The following FBXO11 variants were observed in gnomAD, a reference collection of about 807,000 sequenced individuals.
The protein encoded by FBXO11 is F-box protein 11.
Under a neutral mutation model 117.0 loss-of-function variants are expected in FBXO11, and 13 were observed. The observed-to-expected ratio is 0.11, with a 90% confidence interval of 0.07 to 0.18. The LOEUF is 0.18. Among genes scored for constraint, FBXO11 ranks in the 10% least tolerant of loss-of-function variants. The pLI is 1.00. For synonymous variants in FBXO11, 490 were observed against 380.5 expected (o/e 1.29, Z -3.35); for missense variants, 767 against 1,164.4 (o/e 0.66, Z 4.97).
intron 11 of FBXO11, among the ~76,000 whole-genome samples, chr2:47,829,522 G>C (rs990926373): frequency 6.6e-6 from 1 of 152,116 alleles, no homozygotes; most frequent in Non-Finnish European, 1.5e-5. Context: ...TTATAGGCAT[G>C]AGCCACCACA....
intron 11 of FBXO11, among the ~76,000 whole-genome samples, chr2:47,828,689 C>T (rs909190614): frequency 6.6e-6 from 1 of 151,774 alleles, no homozygotes; most frequent in Non-Finnish European, 1.5e-5. Context: ...GAGAAAAATG[C>T]TATCTTCATA....
chr2:47,833,127 T>A (rs1672308092), intron 7 of FBXO11, 57 bp from the exon 8 acceptor site: 1 of 1,167,418 alleles, frequency 8.6e-7, no homozygotes, highest in Admixed American at 1.8e-5. Context: ...CAGATGGGTA[T>A]CTTTATGGAG....
chr2:47,903,500 T>C (rs530536417), intron 1 of FBXO11, among the ~76,000 whole-genome samples: 9 of 152,236 alleles, frequency 5.9e-5, no homozygotes, highest in South Asian at 4.1e-4. Flanking sequence ...TTACCTCACA[T>C]AGAAATGAAA....
chr2:47,876,475 C>T (rs977308819), intron 1 of FBXO11, among the ~76,000 whole-genome samples: 1 of 152,100 alleles, frequency 6.6e-6, no homozygotes, highest in Non-Finnish European at 1.5e-5. Flanking sequence ...TGTGTATTTC[C>T]TCACTTTGGG....
intron 1 of FBXO11, among the ~76,000 whole-genome samples, chr2:47,840,634 T>C (rs1225213381): frequency 6.6e-6 from 1 of 151,608 alleles, no homozygotes; most frequent in Non-Finnish European, 1.5e-5. Flanking sequence ...CAATTTTTTT[T>C]GGTGAGATGG....
At chr2:47,854,744 C>T (rs1030424095) in intron 1 of FBXO11, among the ~76,000 whole-genome samples, 3 of 152,130 alleles carry the variant, frequency 2.0e-5, no homozygotes, top group Non-Finnish European at 4.4e-5. Flanking sequence ...AGTGCTAACA[C>T]GTTCCCAAGG....
intron 1 of FBXO11, among the ~76,000 whole-genome samples, chr2:47,859,904 A>G (rs1674619510): frequency 6.6e-6 from 1 of 152,196 alleles, no homozygotes; most frequent in African/African-American, 2.4e-5. Flanking sequence ...ATTTTCTAGA[A>G]TAAGTTATCC....
chr2:47,894,388 A>G (rs1677497152), intron 1 of FBXO11, among the ~76,000 whole-genome samples: 1 of 152,224 alleles, frequency 6.6e-6, no homozygotes. Flanking sequence ...TAATAGCAAA[A>G]TATTTTCATA....
Position 47,905,732 on chromosome 2 carries a change from A to AG in FBXO11, c.-13dup, listed in dbSNP as rs1460771549. On this transcript the variant is annotated 5_prime_UTR_variant, in exon 1 of 23. Coordinates refer to ENST00000403359, the MANE Select transcript of FBXO11 (RefSeq NM_001190274.2). ...CGGACGGAGTTCATTTGCCGGGCTG[A>AG]GGTGGCGGCGTTGGCGGAGGGACAC... is the stretch of plus-strand genomic sequence containing the variant. The AG allele has an allele frequency of 1.2e-5, 17 of 1,453,940 alleles. No homozygotes were observed. Among genetic ancestry groups the AG allele is most frequent in the Non-Finnish European group, 1.4e-5 (15 of 1,096,026 alleles). The allele number at this position is 1,453,940 out of a possible 1,614,324, so 90.1% of individuals were successfully genotyped here.
At chr2:47,873,352 G>A (rs1356799098) in intron 1 of FBXO11, among the ~76,000 whole-genome samples, 2 of 152,212 alleles carry the variant, frequency 1.3e-5, no homozygotes, top group Non-Finnish European at 2.9e-5. Flanking sequence ...GGTTGCACAG[G>A]ACACAGAAAG....
At chr2:47,867,548 TCCCAGTCTAACG>T (rs1444410911) in intron 1 of FBXO11, among the ~76,000 whole-genome samples, 1 of 152,154 alleles carries the variant, frequency 6.6e-6, no homozygotes, top group Non-Finnish European at 1.5e-5. Flanking sequence ...TTACTGTAAG[TCCCAGTCTAACG>T]ACACATATGA....
At chr2:47,878,851 T>C (rs1205243912) in intron 1 of FBXO11, among the ~76,000 whole-genome samples, 2 of 151,806 alleles carry the variant, frequency 1.3e-5, no homozygotes, top group African/African-American at 4.8e-5. Flanking sequence ...CGTGGTGGGA[T>C]GCCTGTAATC....
intron 1 of FBXO11, among the ~76,000 whole-genome samples, chr2:47,877,423 T>C (rs75558469): frequency 0.014 from 2,201 of 152,338 alleles, 30 homozygotes; most frequent in Middle Eastern, 0.024. Context: ...ATTCCCATTT[T>C]TTCCCACTAA....
At position 47,900,649 on chromosome 2, in the gene FBXO11, CACGTATACACACACGT is replaced by C. The variant is rs1232415932; in HGVS notation, c.232+4824_232+4839del. Among the ~76,000 whole-genome samples, 26 of 82,922 alleles carry C rather than the reference CACGTATACACACACGT, an allele frequency of 3.1e-4. 2 individuals are homozygous for C. The highest frequency in any genetic ancestry group is 9.9e-4 in the East Asian group (2 of 2,014). The allele number at this position is 82,922 out of a possible 152,430, so 54.4% of individuals were successfully genotyped here. A position where few individuals can be genotyped will look rare whatever the true frequency, so the allele number is the denominator to read the frequency against. On this transcript the variant is annotated intron_variant, in intron 1 of 22. Coordinates refer to ENST00000403359, the MANE Select transcript of FBXO11 (RefSeq NM_001190274.2). ...GTATACACACACGTACGTATATACA[CACGTATACACACACGT>C]ACGTATATACACACGTATACACACA...
intron 1 of FBXO11, among the ~76,000 whole-genome samples, chr2:47,863,854 T>C (rs1013664375): frequency 7.2e-5 from 11 of 151,836 alleles, no homozygotes; most frequent in Non-Finnish European, 1.3e-4. Flanking sequence ...GGCAGGAGAA[T>C]TGCTTGAACC....
At chr2:47,899,177 G>C (rs979689513) in intron 1 of FBXO11, among the ~76,000 whole-genome samples, 1 of 151,716 alleles carries the variant, frequency 6.6e-6, no homozygotes, top group Admixed American at 6.6e-5. Flanking sequence ...AGGAGGCTGA[G>C]GCAGGAGAAT....
intron 1 of FBXO11, among the ~76,000 whole-genome samples, chr2:47,846,454 C>T (rs746486001): frequency 6.6e-5 from 10 of 151,922 alleles, no homozygotes; most frequent in Non-Finnish European, 1.3e-4. Context: ...GCAACAAAAA[C>T]GAAACTGTTT....
At chr2:47,894,185 G>A (rs1482636091) in intron 1 of FBXO11, among the ~76,000 whole-genome samples, 1 of 152,180 alleles carries the variant, frequency 6.6e-6, no homozygotes, top group Non-Finnish European at 1.5e-5. Flanking sequence ...ATGCTGGGCA[G>A]AGGCACTTTT....
intron 1 of FBXO11, among the ~76,000 whole-genome samples, chr2:47,900,205 G>C (rs1164707165): frequency 6.6e-6 from 1 of 152,080 alleles, no homozygotes; most frequent in Non-Finnish European, 1.5e-5. Flanking sequence ...TAAGTTCCAA[G>C]CTTTAAGAAA....
Sources: gnomAD v4.1 joint callset for allele counts (sites outside exome capture counted in the v4.1 genomes callset) on GRCh38, gnomAD v4.1.1 for gene constraint, MANE v1.5 for transcripts, NCBI Gene and HGNC (gene_info 2026-07-23, HGNC 2026-07-21) for gene names.